The following STAB2 variants were observed in gnomAD, a reference collection of about 807,000 sequenced individuals.
The protein encoded by STAB2 is stabilin-2.
Under a neutral mutation model 338.1 loss-of-function variants are expected in STAB2, and 288 were observed. The ratio of observed to expected loss-of-function variants is 0.85; its 90% confidence interval spans 0.77 to 0.94. STAB2 has a LOEUF of 0.94. STAB2 is among the 40% of genes least tolerant of loss of function. STAB2 has a pLI of 0.00. For synonymous variants in STAB2, 1,202 were observed against 1,193.3 expected (o/e 1.01, Z -0.15); for missense variants, 3,141 against 3,210.1 (o/e 0.98, Z 0.52).
rs1294239866 is a variant in STAB2, at chr12:103,746,674, G to T, written c.6214G>T (p.Asp2072Tyr). The change falls in exon 58 of 69, where the codon GAT (aspartate) becomes TAT (tyrosine). Residue 2072 changes from aspartate to tyrosine, a missense_variant. Physicochemically the swap from Asp to Tyr is radical, Grantham distance 160. Coordinates refer to ENST00000388887, the MANE Select transcript of STAB2 (RefSeq NM_017564.10). Reference sequence around the variant, plus strand: ...GAACAACACGTGTGAGTGTAACCTGGATTATGAAGGTGACGGAATCACATG... The same window carrying T: ...GAACAACACGTGTGAGTGTAACCTGTATTATGAAGGTGACGGAATCACATG... ...KENNTCECNLDYEGDGITCTV... is the reference protein window; with the variant it reads ...KENNTCECNLYYEGDGITCTV... The T allele has an allele frequency of 3.7e-6, 6 of 1,613,936 alleles. No individual in the cohort carries two copies. The highest frequency in any genetic ancestry group is 5.1e-6 in the Non-Finnish European group (6 of 1,179,958).
intron 44 of STAB2, among the ~76,000 whole-genome samples, chr12:103,724,455 G>C (rs1881022624): frequency 6.6e-6 from 1 of 152,216 alleles, no homozygotes; most frequent in African/African-American, 2.4e-5. Context: ...CATGGGGTGA[G>C]TGTCCCTGCA....
Position 103,706,867 on chromosome 12 carries a change from G to C in STAB2, c.4072G>C (p.Gly1358Arg). Residue 1358 changes from glycine to arginine, a missense_variant, in exon 38 of 69, where the codon GGT (glycine) becomes CGT (arginine). Gly to Arg is a moderately radical substitution (Grantham distance 125, BLOSUM62 -2). Transcript: ENST00000388887. The stretch of plus-strand genomic sequence containing the variant: ...AGGGAATGCCCAGAATGTCTGCTTT[G>C]GTAATGGCATCTGTTTGGATGGAGT... ...CPGNAQNVCF[G>R]NGICLDGVNG... The C allele has an allele frequency of 6.2e-7, 1 of 1,614,242 alleles. No homozygotes were observed. Among genetic ancestry groups the C allele is most frequent in the Admixed American group, 1.7e-5 (1 of 60,032 alleles).
intron 1 of STAB2, among the ~76,000 whole-genome samples, chr12:103,587,847 T>A (rs903223871): frequency 1.3e-5 from 2 of 152,240 alleles, no homozygotes; most frequent in Non-Finnish European, 2.9e-5. Context: ...TTTCATTTGT[T>A]CTAGTAGTCT....
chr12:103,758,413 C>A, intron 64 of STAB2, 124 bp downstream of exon 64: 3 of 1,481,020 alleles, frequency 2.0e-6, no homozygotes, highest in Non-Finnish European at 2.7e-6. Context: ...AGATCATCTG[C>A]AGATCAGTTG....
At chr12:103,636,144 C>T (rs887322895) in intron 6 of STAB2, among the ~76,000 whole-genome samples, 14 of 151,254 alleles carry the variant, frequency 9.3e-5, no homozygotes, top group Admixed American at 2.0e-4. Context: ...TGTGCTGCAC[C>T]CATTAACTCG....
chr12:103,682,863 G>A (rs1055545435), intron 25 of STAB2, among the ~76,000 whole-genome samples: 2 of 152,122 alleles, frequency 1.3e-5, no homozygotes, highest in Non-Finnish European at 1.5e-5. Flanking sequence ...CAGGAGAATC[G>A]CTTGAACCTG....
At chr12:103,700,552 T>C (rs1878772795) in intron 34 of STAB2, among the ~76,000 whole-genome samples, 1 of 152,226 alleles carries the variant, frequency 6.6e-6, no homozygotes, top group South Asian at 2.1e-4. Context: ...AGTCTACCTA[T>C]TGTGTAATAA....
At chr12:103,762,615 C>G (rs538805935) in intron 67 of STAB2, among the ~76,000 whole-genome samples, 1 of 152,316 alleles carries the variant, frequency 6.6e-6, no homozygotes, top group East Asian at 1.9e-4. Context: ...CAAGCCCCTC[C>G]TTCTGGCTGA....
At chr12:103,758,450 G>A (rs554498277) in intron 64 of STAB2, among the ~76,000 whole-genome samples, 161 bp downstream of exon 64, 19 of 149,404 alleles carry the variant, frequency 1.3e-4, no homozygotes, top group African/African-American at 4.2e-4. Flanking sequence ...TGGCACACTC[G>A]GGTCTGAGAC....
chr12:103,641,277 C>T (rs1872907515), intron 9 of STAB2, among the ~76,000 whole-genome samples: 1 of 152,170 alleles, frequency 6.6e-6, no homozygotes, highest in South Asian at 2.1e-4. Context: ...TAGATCTGTA[C>T]TTATTGTACA....
chr12:103,682,325 A>G (rs1876991148), intron 25 of STAB2, among the ~76,000 whole-genome samples: 1 of 152,166 alleles, frequency 6.6e-6, no homozygotes, highest in Non-Finnish European at 1.5e-5. Flanking sequence ...TACAGAAATC[A>G]GGCCAGGGGA....
At chr12:103,609,401 A>G (rs1223836830) in intron 3 of STAB2, among the ~76,000 whole-genome samples, 2 of 152,200 alleles carry the variant, frequency 1.3e-5, no homozygotes, top group Non-Finnish European at 2.9e-5. Flanking sequence ...GAGGTCCTTC[A>G]CATCCCTTGT....
chr12:103,757,111 G>C (rs1188939907), intron 63 of STAB2, among the ~76,000 whole-genome samples: 1 of 150,438 alleles, frequency 6.6e-6, no homozygotes, highest in East Asian at 1.9e-4. Context: ...GTTTTCTTAA[G>C]AGAGTCTTGT....
In STAB2 at chr12:103,703,135, C is replaced by T. The variant is rs1879049760; in HGVS notation, c.3715-13C>T. 1.2e-6 allele frequency: 2 copies of T among 1,609,134 alleles called. No homozygotes were observed. Among genetic ancestry groups the T allele is most frequent in the East Asian group, 2.2e-5 (1 of 44,844 alleles). Reference sequence around the variant, plus strand: ...ATGTCATAAAAAGTGACATTTAACCCTGTTGTTCACAGCTCTATGTAAATG... The same window carrying T: ...ATGTCATAAAAAGTGACATTTAACCTTGTTGTTCACAGCTCTATGTAAATG... On this transcript the variant is annotated splice_polypyrimidine_tract_variant and intron_variant, in intron 34 of 68. Transcript: ENST00000388887.
chr12:103,635,834 C>T (rs1293553676), intron 6 of STAB2, among the ~76,000 whole-genome samples: 2 of 152,170 alleles, frequency 1.3e-5, no homozygotes, highest in East Asian at 3.9e-4. Flanking sequence ...GTGACCTCCC[C>T]ATGCATGACC....
chr12:103,629,167 A>T (rs914262457), intron 5 of STAB2, among the ~76,000 whole-genome samples: 4 of 152,230 alleles, frequency 2.6e-5, no homozygotes, highest in Non-Finnish European at 4.4e-5. Context: ...CTGCTGGCCT[A>T]GTTGCTACCA....
At chr12:103,692,667 C>G (rs1878051275) in intron 30 of STAB2, 145 bp from the exon 31 acceptor site, 1 of 590,838 alleles carries the variant, frequency 1.7e-6, no homozygotes, top group Admixed American at 3.0e-5. Context: ...TATGGGACAA[C>G]AAGTTAAAGG....
intron 22 of STAB2, among the ~76,000 whole-genome samples, chr12:103,671,386 G>T (rs746912604): frequency 2.1e-4 from 32 of 152,096 alleles, no homozygotes; most frequent in Non-Finnish European, 4.1e-4. Context: ...AGGAGGCAGA[G>T]GTTGCAGTAA....
intron 10 of STAB2, among the ~76,000 whole-genome samples, chr12:103,649,852 A>C (rs1873607851): frequency 6.6e-6 from 1 of 151,976 alleles, no homozygotes; most frequent in South Asian, 2.1e-4. Context: ...TTTTTTGCAG[A>C]CCAGGCCCTC....
Sources: gnomAD v4.1 joint callset for allele counts (sites outside exome capture counted in the v4.1 genomes callset) on GRCh38, gnomAD v4.1.1 for gene constraint, MANE v1.5 for transcripts, NCBI Gene and HGNC (gene_info 2026-07-23, HGNC 2026-07-21) for gene names.